GALNT9: variants seen among roughly 807,000 people sequenced by gnomAD.
GALNT9 encodes the protein GalNAc transferase 9.
A neutral mutation model predicts 63.1 loss-of-function variants in GALNT9; 47 were observed. The ratio of observed to expected loss-of-function variants is 0.75; its 90% CI spans 0.59 to 0.95. The LOEUF (loss-of-function observed/expected upper bound fraction) is 0.95. Ranked by LOEUF, GALNT9 falls within the 40% of genes least tolerant of loss-of-function variation. The probability of loss-of-function intolerance (pLI) is 0.00; values close to 1 mark genes in which losing one functional copy is unlikely to be tolerated. For missense variants in GALNT9, 829 were observed against 874.8 expected (o/e 0.95, Z 0.66); for synonymous variants, 396 against 365.7 (o/e 1.08, Z -0.94).
chr12:132,318,253 T>C (rs1393597290), intron 1 of GALNT9, among the ~76,000 whole-genome samples: 2 of 152,186 alleles, frequency 1.3e-5, no homozygotes, highest in African/African-American at 2.4e-5. Context: ...ACAGCCCCTC[T>C]GGCCAGGCAA....
At position 132,312,017 on chromosome 12, in the gene GALNT9, C is replaced by A. The variant is rs371762681; in HGVS notation, c.238+16949G>T. ...TGTAGATAATGTCTCTCTCTCCCAGCTTCAATTTTATCCACTCTCTCCAAA... is the reference window on the plus strand; with the variant it reads ...TGTAGATAATGTCTCTCTCTCCCAGATTCAATTTTATCCACTCTCTCCAAA... On this transcript the variant is annotated intron_variant, in intron 1 of 10. Coordinates refer to ENST00000328957, the MANE Select transcript of GALNT9 (RefSeq NM_001122636.2). 1.3e-3 allele frequency among the ~76,000 whole-genome samples: 196 copies of A among 152,328 alleles called. 7 individuals are homozygous for A. The South Asian group carries it at 0.039, about 30-fold the overall frequency.
intron 9 of GALNT9, among the ~76,000 whole-genome samples, chr12:132,198,335 C>T (rs764643494): frequency 2.6e-5 from 4 of 152,272 alleles, no homozygotes; most frequent in Non-Finnish European, 5.9e-5. Context: ...CACGCATTCC[C>T]GTGGGGTTAG....
intron 1 of GALNT9, among the ~76,000 whole-genome samples, chr12:132,287,157 G>GC (rs1555242296): frequency 7.4e-6 from 1 of 135,374 alleles, no homozygotes; most frequent in African/African-American, 2.8e-5. Flanking sequence ...ACGCACGCCA[G>GC]CCCCCCGTGA....
At chr12:132,241,718 G>A (rs2136902226) in intron 6 of GALNT9, among the ~76,000 whole-genome samples, 33 of 35,310 alleles carry the variant, frequency 9.3e-4, no homozygotes, top group Admixed American at 1.5e-3. Context: ...CACCCTTCCC[G>A]GGGCCCTCCC....
chr12:132,295,581 G>A (rs1881026292), intron 1 of GALNT9, among the ~76,000 whole-genome samples: 1 of 152,246 alleles, frequency 6.6e-6, no homozygotes, highest in South Asian at 2.1e-4. Flanking sequence ...ACACGTGAGG[G>A]TGGAGGCAGA....
chr12:132,307,975 G>A (rs782125112), intron 1 of GALNT9, among the ~76,000 whole-genome samples: 2 of 151,972 alleles, frequency 1.3e-5, no homozygotes, highest in Non-Finnish European at 1.5e-5. Flanking sequence ...GGCTGTGGCT[G>A]CAGTGAGCTA....
chr12:132,322,802 G>A (rs1158029371), intron 1 of GALNT9, among the ~76,000 whole-genome samples: 4 of 152,216 alleles, frequency 2.6e-5, no homozygotes, highest in African/African-American at 9.6e-5. Flanking sequence ...TACAACCCTT[G>A]GCACCTTTTA....
intron 6 of GALNT9, among the ~76,000 whole-genome samples, chr12:132,218,397 C>T (rs567217654): frequency 6.6e-6 from 1 of 152,218 alleles, no homozygotes; most frequent in Non-Finnish European, 1.5e-5. Flanking sequence ...CAGCACTTTC[C>T]CTTTGGCAGA....
chr12:132,213,752 C>T (rs944775500), intron 6 of GALNT9, among the ~76,000 whole-genome samples: 19 of 152,370 alleles, frequency 1.2e-4, no homozygotes, highest in Middle Eastern at 6.8e-3. Context: ...GTGGCCTCTG[C>T]ATTCTCCAGG....
chr12:132,218,517 A>G (rs909493984), intron 6 of GALNT9, among the ~76,000 whole-genome samples: 1 of 152,172 alleles, frequency 6.6e-6, no homozygotes, highest in Non-Finnish European at 1.5e-5. Context: ...AAGATTTACA[A>G]TCTGCTTAGC....
chr12:132,308,892 C>CA (rs1260997299), intron 1 of GALNT9, among the ~76,000 whole-genome samples: 1 of 151,132 alleles, frequency 6.6e-6, no homozygotes, highest in Non-Finnish European at 1.5e-5. Flanking sequence ...TGGCCGCACT[C>CA]ACGCCTCACC....
At position 132,250,859 on chromosome 12, in the gene GALNT9, G is replaced by A. The variant is rs1250102905; in HGVS notation, c.960-2832C>T. On this transcript the variant is annotated intron_variant, in intron 5 of 10. Coordinates refer to ENST00000328957, the MANE Select transcript of GALNT9 (RefSeq NM_001122636.2). ...GGCGAGGAGGCGGTGGGCACCGCCC[G>A]TGTGGGTGGAGTCGGGACCCACATC... Among the ~76,000 whole-genome samples the A allele has an allele frequency of 3.9e-5, 6 of 152,330 alleles. No individual in the cohort carries two copies. The South Asian group carries it at 1.2e-3, about 32-fold the overall frequency.
intron 1 of GALNT9, among the ~76,000 whole-genome samples, chr12:132,294,018 G>A (rs555800227): frequency 7.2e-5 from 11 of 152,386 alleles, no homozygotes; most frequent in East Asian, 5.8e-4. Flanking sequence ...GGAAGACCAC[G>A]AGCATTTGGG....
chr12:132,205,359 T>A (rs528537595), intron 6 of GALNT9: 1 of 152,120 alleles, frequency 6.6e-6, no homozygotes, highest in African/African-American at 2.4e-5. Context: ...CGCCGATCAC[T>A]TACGGCTGCT....
chr12:132,268,812 A>G (rs2135549621), intron 2 of GALNT9, among the ~76,000 whole-genome samples: 1 of 152,190 alleles, frequency 6.6e-6, no homozygotes, highest in African/African-American at 2.4e-5. Flanking sequence ...GGGAGCTGCC[A>G]CTCGGAGCCA....
chr12:132,218,781 G>A (rs561639799), intron 6 of GALNT9, among the ~76,000 whole-genome samples: 7 of 152,328 alleles, frequency 4.6e-5, no homozygotes, highest in East Asian at 1.9e-4. Context: ...CAATGGAGGC[G>A]AAGAAGGCAG....
intron 5 of GALNT9, among the ~76,000 whole-genome samples, chr12:132,256,374 CT>C (rs1555239086): frequency 6.6e-6 from 1 of 151,962 alleles, no homozygotes. Flanking sequence ...GGGTCCACTC[CT>C]CCCTGTTTCT....
chr12:132,317,747 C>A (rs1555245830), intron 1 of GALNT9, among the ~76,000 whole-genome samples: 1 of 152,184 alleles, frequency 6.6e-6, no homozygotes, highest in Non-Finnish European at 1.5e-5. Flanking sequence ...GCCCCTCCAG[C>A]CCCGGGGCCC....
intron 8 of GALNT9, among the ~76,000 whole-genome samples, chr12:132,199,844 TC>T (rs760052861): frequency 3.1e-5 from 3 of 97,576 alleles, no homozygotes; most frequent in Non-Finnish European, 6.9e-5. Flanking sequence ...TGGCCCCGGC[TC>T]GTGAGCAAGT....
Sources: gnomAD v4.1 joint callset for allele counts (sites outside exome capture counted in the v4.1 genomes callset) on GRCh38, gnomAD v4.1.1 for gene constraint, MANE v1.5 for transcripts, NCBI Gene and HGNC (gene_info 2026-07-23, HGNC 2026-07-21) for gene names.